KIZ: variants seen among roughly 807,000 people sequenced by gnomAD.
KIZ encodes centrosomal protein kizuna.
Under a neutral mutation model 79.6 loss-of-function variants are expected in KIZ, and 68 were observed. That is an observed-to-expected ratio of 0.85 (90% CI 0.70 to 1.05). The LOEUF (loss-of-function observed/expected upper bound fraction) is 1.05. Among genes scored for constraint, KIZ ranks in the 50% least tolerant of loss-of-function variants. The probability of loss-of-function intolerance (pLI) is 0.00; values close to 1 mark genes in which losing one functional copy is unlikely to be tolerated. For synonymous variants in KIZ, 280 were observed against 281.8 expected (o/e 0.99, Z 0.06); for missense variants, 797 against 800.4 (o/e 1.00, Z 0.05).
rs114381989 is a variant in KIZ, at chr20:21,238,242, T to G, written c.1880+5412T>G. On this transcript the variant is annotated intron_variant, in intron 11 of 12. Transcript: ENST00000619189. The stretch of plus-strand genomic sequence containing the variant: ...TGTTTTTTTTTTTTTTAAATAAAAG[T>G]CAGTTTGTACAAGTTCCCTCACTTC... Among the ~76,000 whole-genome samples, 1,457 of 151,108 alleles carry G rather than the reference T, an allele frequency of 9.6e-3. 25 individuals carry two copies. The highest frequency in any genetic ancestry group is 0.033 in the African/African-American group (1,357 of 41,116).
At chr20:21,170,749 C>T (rs1600444466) in intron 6 of KIZ, among the ~76,000 whole-genome samples, 1 of 152,070 alleles carries the variant, frequency 6.6e-6, no homozygotes, top group Non-Finnish European at 1.5e-5. Context: ...TAACCATCCC[C>T]ACTTCTCTCC....
At chr20:21,196,299 T>A (rs1675172231) in intron 6 of KIZ, 1 of 152,702 alleles carries the variant, frequency 6.5e-6, no homozygotes, top group African/African-American at 2.4e-5. Flanking sequence ...TCTCCTTAGT[T>A]TCAAATGTCA....
chr20:21,228,944 G>A, intron 9 of KIZ, 67 bp from the exon 10 acceptor site: 1 of 810,532 alleles, frequency 1.2e-6, no homozygotes, highest in Non-Finnish European at 2.0e-6. Flanking sequence ...CTCATAGGAA[G>A]AATTTAAAAA....
chr20:21,192,923 T>G (rs1353808773), intron 6 of KIZ, among the ~76,000 whole-genome samples: 2 of 152,186 alleles, frequency 1.3e-5, no homozygotes, highest in Non-Finnish European at 2.9e-5. Flanking sequence ...TAGTCCTTCT[T>G]TCTGCAGTGT....
chr20:21,214,749 ATCAT>A, intron 8 of KIZ, 49 bp downstream of exon 8: 1 of 1,247,930 alleles, frequency 8.0e-7, no homozygotes, highest in Non-Finnish European at 1.2e-6. Flanking sequence ...ATTCAGGGTC[ATCAT>A]CATCTTTCTC....
chr20:21,169,010 G>T (rs2034082030), intron 6 of KIZ, among the ~76,000 whole-genome samples: 1 of 152,236 alleles, frequency 6.6e-6, no homozygotes. Flanking sequence ...TACCATTCAG[G>T]CCATAGGCAT....
At chr20:21,199,521 C>G (rs1406166233) in intron 6 of KIZ, among the ~76,000 whole-genome samples, 1 of 152,160 alleles carries the variant, frequency 6.6e-6, no homozygotes, top group Non-Finnish European at 1.5e-5. Context: ...ACTCTCTAGC[C>G]TTGAAAAAAG....
chr20:21,185,857 G>A (rs766278038), intron 6 of KIZ, among the ~76,000 whole-genome samples: 11 of 152,044 alleles, frequency 7.2e-5, no homozygotes, highest in Admixed American at 3.9e-4. Context: ...GACTACAGAC[G>A]TGTGCCACCA....
chr20:21,224,365 T>C (rs888992119), intron 9 of KIZ, among the ~76,000 whole-genome samples: 2 of 152,276 alleles, frequency 1.3e-5, no homozygotes, highest in Non-Finnish European at 2.9e-5. Context: ...TTAAGAAATA[T>C]ATCTCACAAT....
At chr20:21,158,624 A>C (rs2033499429) in intron 4 of KIZ, 1 of 152,210 alleles carries the variant, frequency 6.6e-6, no homozygotes. Context: ...CATACCTACT[A>C]GTGTATCCAG....
In KIZ at chr20:21,210,353, T is replaced by A. The variant is rs116218282; in HGVS notation, c.1447-4182T>A. ...AATATATTGAAAAACATAGGTTGCATTATTTGTATACATAAATACATAACC... is the reference window on the plus strand; with the variant it reads ...AATATATTGAAAAACATAGGTTGCAATATTTGTATACATAAATACATAACC... On this transcript the variant is annotated intron_variant, in intron 7 of 12. Coordinates refer to ENST00000619189, the MANE Select transcript of KIZ (RefSeq NM_018474.6). Among the ~76,000 whole-genome samples, 1,475 of 152,232 alleles carry A rather than the reference T, an allele frequency of 9.7e-3. 28 individuals carry two copies. Among genetic ancestry groups the A allele is most frequent in the African/African-American group, 0.034 (1,406 of 41,524 alleles).
At chr20:21,133,662 A>G (rs79894123) in intron 2 of KIZ, among the ~76,000 whole-genome samples, 2,492 of 152,346 alleles carry the variant, frequency 0.016, 69 homozygotes, top group African/African-American at 0.056. Flanking sequence ...AAATCCAAAC[A>G]AGGCTGCCTC....
chr20:21,157,558 A>G (rs2033443184), intron 4 of KIZ, among the ~76,000 whole-genome samples: 1 of 152,178 alleles, frequency 6.6e-6, no homozygotes, highest in African/African-American at 2.4e-5. Flanking sequence ...TGAAGCATTT[A>G]CTATAAGTAC....
In KIZ at chr20:21,171,511, C is replaced by G. The variant is rs1429937163; in HGVS notation, c.1352+8352C>G. Among the ~76,000 whole-genome samples the G allele has an allele frequency of 3.9e-5, 6 of 152,318 alleles. No homozygotes were observed. The East Asian group carries it at 1.2e-3, about 29-fold the overall frequency. ...CCAGGCTGGAATGCAGTGGTGTGAT[C>G]ATGGCCCACTGCAGCCTCGACCTCC... On this transcript the variant is annotated intron_variant, in intron 6 of 12. Transcript: ENST00000619189.
At chr20:21,239,196 G>A (rs902362037) in intron 11 of KIZ, among the ~76,000 whole-genome samples, 12 of 152,174 alleles carry the variant, frequency 7.9e-5, no homozygotes, top group African/African-American at 2.9e-4. Context: ...GAGAGGTAGG[G>A]AACTTGCCCA....
chr20:21,205,617 T>C, intron 7 of KIZ, 33 bp downstream of exon 7: 1 of 867,788 alleles, frequency 1.2e-6, no homozygotes, highest in Non-Finnish European at 1.9e-6. Context: ...GTTTTCCCAA[T>C]CACAAATGTG....
chr20:21,150,619 A>C (rs764787322), intron 4 of KIZ, among the ~76,000 whole-genome samples: 21 of 152,242 alleles, frequency 1.4e-4, no homozygotes, highest in African/African-American at 2.4e-4. Flanking sequence ...GTTTGTATTC[A>C]GAAAACAATT....
intron 6 of KIZ, among the ~76,000 whole-genome samples, chr20:21,188,988 G>A (rs922778731): frequency 6.6e-6 from 1 of 152,070 alleles, no homozygotes; most frequent in Non-Finnish European, 1.5e-5. Context: ...GATTACAGGT[G>A]TGAGCCACCC....
intron 7 of KIZ, among the ~76,000 whole-genome samples, chr20:21,207,661 A>C (rs1195905309): frequency 2.0e-5 from 3 of 151,832 alleles, no homozygotes; most frequent in African/African-American, 7.3e-5. Flanking sequence ...CCCTTTTCAA[A>C]GATAACCTAG....
Sources: gnomAD v4.1 joint callset for allele counts (sites outside exome capture counted in the v4.1 genomes callset) on GRCh38, gnomAD v4.1.1 for gene constraint, MANE v1.5 for transcripts, NCBI Gene and HGNC (gene_info 2026-07-23, HGNC 2026-07-21) for gene names.